The following TSSC4 variants were observed in gnomAD, a reference collection of about 807,000 sequenced individuals.
TSSC4 encodes the protein U5 small nuclear ribonucleoprotein TSSC4.
For missense variants in TSSC4, 500 were observed against 443.9 expected, an observed-to-expected ratio of 1.13 and a Z score of -1.14; for synonymous variants, 259 against 197.9, an observed-to-expected ratio of 1.31 and a Z score of -2.59.
rs1850184050 is a variant in TSSC4 at position 2,402,666 on chromosome 11, C to T, written c.33C>T (p.Pro11=). The part of the protein sequence containing the change: MAEAGTGEPS[P]SVEGEHGTEY... ...AGGCAGGAACAGGTGAGCCGTCCCC[C>T]AGCGTGGAGGGCGAACACGGGACGG... Residue 11 remains proline (P), a synonymous_variant, in exon 3 of 3, where the codon CCC becomes CCT. Transcript: ENST00000333256. 6.3e-7 allele frequency: 1 copy of T among 1,595,124 alleles called. No individual in the cohort carries two copies. The highest frequency in any genetic ancestry group is 1.1e-5 in the South Asian group (1 of 88,634).
chr11:2,402,860 C>CGGTG lies in TSSC4; in HGVS notation c.228_231dup (p.Gln78GlyfsTer19). The CGGTG allele has an allele frequency of 6.2e-7, 1 of 1,610,120 alleles. No homozygotes were observed. Among genetic ancestry groups the CGGTG allele is most frequent in the Non-Finnish European group, 8.5e-7 (1 of 1,178,698 alleles). ...CCCCCGTCAGGCCTCCTCCCAGCCA[C>CGGTG]GGTGCAGCCATTCCATCTGAGAGGC... On this transcript the variant is annotated frameshift_variant, in exon 3 of 3. Coordinates refer to ENST00000333256, the MANE Select transcript of TSSC4 (RefSeq NM_005706.4). LOFTEE classifies it low-confidence loss of function (END_TRUNC).
chr11:2,402,297 A>G lies in TSSC4; in HGVS notation c.-177A>G. 3.3e-6 allele frequency: 1 copy of G among 303,124 alleles called. No homozygotes were observed. The highest frequency in any genetic ancestry group is 6.2e-6 in the Non-Finnish European group (1 of 160,036). The allele number at this position is 303,124 out of a possible 1,614,324, so 18.8% of individuals were successfully genotyped here. A position where few individuals can be genotyped will look rare whatever the true frequency, so the allele number is the denominator to read the frequency against. ...CCCCCACCCCACCCACCTGCAGTTG[A>G]GCAGCTGAACAGAGGCCATGCCGGG... On this transcript the variant is annotated 5_prime_UTR_variant, in exon 2 of 3. Transcript: ENST00000333256.
At chr11:2,402,563 A>T in intron 2 of TSSC4, 48 bp from the exon 3 acceptor site, 1 of 1,454,292 alleles carries the variant, frequency 6.9e-7, no homozygotes, top group Non-Finnish European at 9.2e-7. Flanking sequence ...ACTCATTCTC[A>T]ATACTGTTCC....
At position 2,403,225 on chromosome 11, in the gene TSSC4, G is replaced by C; in HGVS notation, c.592G>C (p.Val198Leu). ...SQSLAAPTDC[V>L]SSFNQDPSSC... ...GAGCCTGGCTGCCCCCACTGACTGC[G>C]TGTCCTCCTTCAACCAGGATCCCTC... Residue 198 changes from valine (V) to leucine (L), a missense_variant, in exon 3 of 3, where the codon GTG becomes CTG. By Grantham distance (32) the Val-to-Leu change is conservative. Transcript: ENST00000333256. The C allele has an allele frequency of 6.2e-7, 1 of 1,612,870 alleles. No homozygotes were observed. Among genetic ancestry groups the C allele is most frequent in the Non-Finnish European group, 8.5e-7 (1 of 1,179,964 alleles).
At chr11:2,401,752 G>C (rs1329477401) in intron 1 of TSSC4, 1 of 152,234 alleles carries the variant, frequency 6.6e-6, no homozygotes, top group Non-Finnish European at 1.5e-5. Context: ...TGCCCAGCTG[G>C]AAAGGCAGGG....
In TSSC4 at chr11:2,403,370, C is replaced by G. The variant is rs1589861522; in HGVS notation, c.737C>G (p.Pro246Arg). ...CCAGGCAGGGGCGGCCTTGGGAATC[C>G]TGCCACAGACAGGGGCGAGGGCCCT... ...GEPGRGGLGNPATDRGEGPVE... is the reference protein window; with the variant it reads ...GEPGRGGLGNRATDRGEGPVE... The change falls in exon 3 of 3, where the codon CCT becomes CGT. Residue 246 changes from proline to arginine, a missense_variant. By Grantham distance (103) the Pro-to-Arg change is moderately radical. Coordinates refer to ENST00000333256, the MANE Select transcript of TSSC4 (RefSeq NM_005706.4). 5 of 1,610,808 alleles carry G rather than the reference C, an allele frequency of 3.1e-6. No homozygotes were observed. The African/African-American group carries it at 4.0e-5, about 13-fold the overall frequency.
chr11:2,402,707 C>T lies in TSSC4; in HGVS notation c.74C>T (p.Pro25Leu), dbSNP rs1021055304. 3 of 1,579,660 alleles carry T rather than the reference C, an allele frequency of 1.9e-6. No individual in the cohort carries two copies. The highest frequency in any genetic ancestry group is 2.6e-6 in the Non-Finnish European group (3 of 1,162,572). ...GEHGTEYDTLPSDTVSLSDSD... is the reference protein window; with the variant it reads ...GEHGTEYDTLLSDTVSLSDSD... ...CACGGGACGGAGTATGACACGCTGC[C>T]TTCCGACACAGTCTCCCTCAGTGAC... The change falls in exon 3 of 3, where the codon CCT becomes CTT. Residue 25 changes from proline (P) to leucine (L), a missense_variant. Coordinates refer to ENST00000333256, the MANE Select transcript of TSSC4 (RefSeq NM_005706.4).
intron 1 of TSSC4, chr11:2,401,337 G>A (rs995576559): frequency 3.3e-5 from 5 of 152,290 alleles, no homozygotes; most frequent in African/African-American, 1.2e-4. Context: ...CTCCAGCTTC[G>A]TCTGCAACAT....
rs1565000254 is a variant in TSSC4 at position 2,402,365 on chromosome 11, C to T, written c.-109C>T. On this transcript the variant is annotated 5_prime_UTR_variant, in exon 2 of 3. Transcript: ENST00000333256. ...ACGACCACGCCTGTGCCGCTGAGGACCTTCATCAGGGCTCCGTCCACTTGG... is the reference window on the plus strand; with the variant it reads ...ACGACCACGCCTGTGCCGCTGAGGATCTTCATCAGGGCTCCGTCCACTTGG... 2 of 501,054 alleles carry T rather than the reference C, an allele frequency of 4.0e-6. No homozygotes were observed. Among genetic ancestry groups the T allele is most frequent in the Admixed American group, 3.6e-5 (1 of 27,622 alleles). The allele number at this position is 501,054 out of a possible 1,614,324, so 31.0% of individuals were successfully genotyped here. A position where few individuals can be genotyped will look rare whatever the true frequency, so the allele number is the denominator to read the frequency against.
chr11:2,402,792 G>A lies in TSSC4; in HGVS notation c.159G>A (p.Gly53=). 6.3e-7 allele frequency: 1 copy of A among 1,575,870 alleles called. No individual in the cohort carries two copies. Among genetic ancestry groups the A allele is most frequent in the East Asian group, 2.3e-5 (1 of 42,908 alleles). The stretch of plus-strand genomic sequence containing the variant: ...AAGTGGAAGCACTGTCCCCGATGGG[G>A]CTGCCTGGGGAGGAGGATTCAGGTC... ...GAEVEALSPM[G]LPGEEDSGPD... Residue 53 remains glycine (G), a synonymous_variant, in exon 3 of 3, where the codon GGG becomes GGA. Coordinates refer to ENST00000333256, the MANE Select transcript of TSSC4 (RefSeq NM_005706.4).
chr11:2,402,059 C>A (rs1850161510), intron 1 of TSSC4: 1 of 152,666 alleles, frequency 6.6e-6, no homozygotes, highest in Non-Finnish European at 1.5e-5. Context: ...TGATTTCAGC[C>A]CTGGGTTCAA....
Position 2,402,663 on chromosome 11 carries a change from C to A in TSSC4, c.30C>A (p.Ser10=), listed in dbSNP as rs750714480. Residue 10 remains serine, a synonymous_variant, in exon 3 of 3, where the codon TCC becomes TCA. Transcript: ENST00000333256. The part of the protein sequence containing the change: MAEAGTGEP[S]PSVEGEHGTE... ...CTGAGGCAGGAACAGGTGAGCCGTC[C>A]CCCAGCGTGGAGGGCGAACACGGGA... The A allele has an allele frequency of 9.5e-5, 151 of 1,595,434 alleles. No homozygotes were observed. The highest frequency in any genetic ancestry group is 1.2e-4 in the Non-Finnish European group (144 of 1,170,180).
Position 2,403,159 on chromosome 11 carries a change from C to T in TSSC4, c.526C>T (p.Gln176Ter). 6 of 1,612,160 alleles carry T rather than the reference C, an allele frequency of 3.7e-6. No individual in the cohort carries two copies. The highest frequency in any genetic ancestry group is 2.2e-5 in the East Asian group (1 of 44,866). The change falls in exon 3 of 3, where the codon CAG becomes TAG. Residue 176 changes from glutamine (Q) to a stop codon, truncating the protein, a stop_gained. Coordinates refer to ENST00000333256, the MANE Select transcript of TSSC4 (RefSeq NM_005706.4). LOFTEE classifies it low-confidence loss of function (END_TRUNC). Reference sequence around the variant, plus strand: ...GGAAGATGTGACCGAGGTCAGCGAGCAGAGCAATCAGGCCACCGCCCTGGC... The same window carrying T: ...GGAAGATGTGACCGAGGTCAGCGAGTAGAGCAATCAGGCCACCGCCCTGGC... ...SLEDVTEVSE[Q>*]SNQATALAFL... is the part of the protein sequence containing the mutation.
In TSSC4 at chr11:2,402,393, C is replaced by T. The variant is rs17739786; in HGVS notation, c.-81C>T. 20,075 of 539,010 alleles carry T rather than the reference C, an allele frequency of 0.037. 482 individuals carry two copies. The highest frequency in any genetic ancestry group is 0.042 in the Non-Finnish European group (12,793 of 303,960). 33.4% of individuals were successfully genotyped at this position (539,010 alleles called of 1,614,324 possible). ...TCATCAGGGCTCCGTCCACTTGGCC[C>T]GCTTGGCTGTCCAATCACACTCCAG... On this transcript the variant is annotated 5_prime_UTR_variant, in exon 2 of 3. Transcript: ENST00000333256.
chr11:2,403,055 A>G lies in TSSC4; in HGVS notation c.422A>G (p.His141Arg), dbSNP rs1269822198. The change falls in exon 3 of 3, where the codon CAT becomes CGT. Residue 141 changes from histidine to arginine, a missense_variant. Coordinates refer to ENST00000333256, the MANE Select transcript of TSSC4 (RefSeq NM_005706.4). ...CCAGTGGAAGGCCTGGGCAGGGCCC[A>G]TCGGAGCCCTGCCTCACCAAGGGTG... ...RSPVEGLGRA[H>R]RSPASPRVPP... 1 of 1,609,608 alleles carries G rather than the reference A, an allele frequency of 6.2e-7. No homozygotes were observed. Among genetic ancestry groups the G allele is most frequent in the Non-Finnish European group, 8.5e-7 (1 of 1,178,708 alleles).
Position 2,403,452 on chromosome 11 carries a change from C to A in TSSC4, c.819C>A (p.Ser273Arg). The A allele has an allele frequency of 1.9e-6, 3 of 1,596,502 alleles. No homozygotes were observed. Among genetic ancestry groups the A allele is most frequent in the Non-Finnish European group, 2.6e-6 (3 of 1,170,628 alleles). The change falls in exon 3 of 3, where the codon AGC (serine) becomes AGA (arginine). Residue 273 changes from serine (S) to arginine (R), a missense_variant. Physicochemically the swap from Ser to Arg is moderately radical, Grantham distance 110. Coordinates refer to ENST00000333256, the MANE Select transcript of TSSC4 (RefSeq NM_005706.4). ...PGSPEAEEWG[S>R]HHGGLQEVEA... ...GCCCAGAGGCTGAGGAGTGGGGCAG[C>A]CACCATGGAGGCCTGCAGGAGGTGG...
chr11:2,403,416 C>T lies in TSSC4; in HGVS notation c.783C>T (p.Ala261=), dbSNP rs115350009. 23 of 1,593,146 alleles carry T rather than the reference C, an allele frequency of 1.4e-5. No individual in the cohort carries two copies. The highest frequency in any genetic ancestry group is 8.1e-5 in the African/African-American group (6 of 74,514). Residue 261 remains alanine (A), a synonymous_variant, in exon 3 of 3, where the codon GCC becomes GCT. Transcript: ENST00000333256. ...GEGPVELAHL[A]GPGSPEAEEW... ...GCCCTGTGGAGCTGGCCCATCTGGC[C>T]GGGCCCGGGAGCCCAGAGGCTGAGG... is the stretch of plus-strand genomic sequence containing the variant.
rs1850191760 is a variant in TSSC4, at chr11:2,402,831, C to T, written c.198C>T (p.Pro66=). 2 of 1,599,560 alleles carry T rather than the reference C, an allele frequency of 1.3e-6. No individual in the cohort carries two copies. The highest frequency in any genetic ancestry group is 1.6e-4 in the Middle Eastern group (1 of 6,078). Residue 66 remains proline, a synonymous_variant, in exon 3 of 3, where the codon CCC becomes CCT. Transcript: ENST00000333256. ...AGGATTCAGGTCCTGATGAGCCGCC[C>T]TCACCCCCGTCAGGCCTCCTCCCAG... The part of the protein sequence containing the change: ...GEEDSGPDEP[P]SPPSGLLPAT...
chr11:2,402,712 G>A lies in TSSC4; in HGVS notation c.79G>A (p.Asp27Asn), dbSNP rs200824597. ...HGTEYDTLPS[D>N]TVSLSDSDSD... Reference sequence around the variant, plus strand: ...GACGGAGTATGACACGCTGCCTTCCGACACAGTCTCCCTCAGTGACTCGGA... The same window carrying A: ...GACGGAGTATGACACGCTGCCTTCCAACACAGTCTCCCTCAGTGACTCGGA... Residue 27 changes from aspartate to asparagine, a missense_variant, in exon 3 of 3, where the codon GAC becomes AAC. By Grantham distance (23) the Asp-to-Asn change is conservative. Transcript: ENST00000333256. 3.7e-5 allele frequency: 59 copies of A among 1,577,784 alleles called. No homozygotes were observed. Among genetic ancestry groups the A allele is most frequent in the South Asian group, 2.3e-4 (20 of 86,524 alleles).
Sources: allele counts gnomAD v4.1 joint callset, GRCh38; gene constraint gnomAD v4.1.1; transcripts MANE v1.5; gene names NCBI Gene and HGNC (gene_info 2026-07-23, HGNC 2026-07-21).